The following SLC4A10 variants were observed in gnomAD, a reference collection of about 807,000 sequenced individuals.
SLC4A10 encodes sodium-driven chloride bicarbonate exchanger.
Under a neutral mutation model 137.7 loss-of-function variants are expected in SLC4A10, and 42 were observed. The ratio of observed to expected loss-of-function variants is 0.30; its 90% CI spans 0.24 to 0.39. The LOEUF is 0.39. SLC4A10 is among the 10% of genes least tolerant of loss of function. SLC4A10 has a pLI of 1.00. For synonymous variants in SLC4A10, 474 were observed against 464.1 expected (o/e 1.02, Z -0.27); for missense variants, 925 against 1,355.0 (o/e 0.68, Z 4.98).
intron 3 of SLC4A10, among the ~76,000 whole-genome samples, chr2:161,831,995 T>G (rs186853976): frequency 6.6e-6 from 1 of 152,254 alleles, no homozygotes; most frequent in African/African-American, 2.4e-5. Context: ...GTGAACACAC[T>G]AGGAAGATAT....
chr2:161,876,463 G>GC (rs2061453177), intron 8 of SLC4A10, among the ~76,000 whole-genome samples: 1 of 152,136 alleles, frequency 6.6e-6, no homozygotes, highest in South Asian at 2.1e-4. Flanking sequence ...AGGATCACTT[G>GC]AGCTTAGGAG....
intron 15 of SLC4A10, among the ~76,000 whole-genome samples, chr2:161,909,087 T>TG (rs1685182918): frequency 2.2e-5 from 1 of 46,360 alleles, no homozygotes; most frequent in South Asian, 9.1e-4. Flanking sequence ...TGTTGTGGGG[T>TG]GGGGGGAGGG....
At chr2:161,979,003 T>A (rs1396065469) in intron 26 of SLC4A10, among the ~76,000 whole-genome samples, 1 of 152,210 alleles carries the variant, frequency 6.6e-6, no homozygotes, top group African/African-American at 2.4e-5. Flanking sequence ...AGAAGGGCAG[T>A]TTCTCAAGCC....
chr2:161,871,880 G>T (rs182129665), intron 6 of SLC4A10, among the ~76,000 whole-genome samples: 1 of 151,898 alleles, frequency 6.6e-6, no homozygotes, highest in Admixed American at 6.6e-5. Context: ...ATAAATATCC[G>T]TCCTTTTTAA....
chr2:161,885,125 C>G (rs1298119072), intron 10 of SLC4A10, among the ~76,000 whole-genome samples: 3 of 151,970 alleles, frequency 2.0e-5, no homozygotes, highest in African/African-American at 7.3e-5. Flanking sequence ...TGGCAATGAG[C>G]CAAGATTGCA....
chr2:161,922,055 G>A (rs1688239245), intron 15 of SLC4A10, among the ~76,000 whole-genome samples: 1 of 152,218 alleles, frequency 6.6e-6, no homozygotes, highest in East Asian at 1.9e-4. Context: ...GAAAGAATCA[G>A]ACATTAAATA....
chr2:161,779,741 G>A (rs1435963906), intron 2 of SLC4A10, among the ~76,000 whole-genome samples: 4 of 151,910 alleles, frequency 2.6e-5, no homozygotes, highest in Non-Finnish European at 5.9e-5. Flanking sequence ...ATAGCCTATT[G>A]GCCAAATTTT....
intron 1 of SLC4A10, among the ~76,000 whole-genome samples, chr2:161,745,584 T>C (rs1222579789): frequency 6.6e-6 from 1 of 152,132 alleles, no homozygotes; most frequent in Non-Finnish European, 1.5e-5. Context: ...TTTGTTCTCT[T>C]GGTAAGGTCA....
chr2:161,941,819 A>T (rs1692757285), intron 15 of SLC4A10, among the ~76,000 whole-genome samples: 1 of 152,074 alleles, frequency 6.6e-6, no homozygotes, highest in Non-Finnish European at 1.5e-5. Context: ...TGGCTGACCT[A>T]CTGTTCCATC....
intron 15 of SLC4A10, among the ~76,000 whole-genome samples, chr2:161,907,491 A>G (rs1329157299): frequency 6.6e-6 from 1 of 152,230 alleles, no homozygotes; most frequent in East Asian, 1.9e-4. Flanking sequence ...ACCATGGTGA[A>G]TCATATTCTG....
chr2:161,701,653 C>T (rs1406424164), intron 1 of SLC4A10, among the ~76,000 whole-genome samples: 1 of 151,814 alleles, frequency 6.6e-6, no homozygotes, highest in Admixed American at 6.6e-5. Flanking sequence ...CCTACTATAA[C>T]AGTGAATACT....
At chr2:161,910,859 A>G (rs1465770782) in intron 15 of SLC4A10, among the ~76,000 whole-genome samples, 1 of 152,002 alleles carries the variant, frequency 6.6e-6, no homozygotes, top group East Asian at 1.9e-4. Flanking sequence ...CTTCTCGACT[A>G]GATTTGAACC....
At chr2:161,763,921 G>A (rs981057743) in intron 1 of SLC4A10, among the ~76,000 whole-genome samples, 13 of 152,116 alleles carry the variant, frequency 8.5e-5, no homozygotes, top group Admixed American at 5.9e-4. Flanking sequence ...AAAGCAGGGA[G>A]ATACAACCTT....
chr2:161,816,726 G>A lies in SLC4A10; in HGVS notation c.277+12131G>A, dbSNP rs566407267. On this transcript the variant is annotated intron_variant, in intron 3 of 26. Coordinates refer to ENST00000446997, the MANE Select transcript of SLC4A10 (RefSeq NM_001178015.2). ...TTCCCACCTGTGAGTGACAACATGC[G>A]GTGTTTGGTTTTTTGTCCTTGCAAT... Among the ~76,000 whole-genome samples the A allele has an allele frequency of 5.8e-4, 86 of 148,518 alleles. 1 individual carries two copies. Among genetic ancestry groups the A allele is most frequent in the African/African-American group, 1.8e-3 (73 of 40,338 alleles).
chr2:161,923,861 GATT>G (rs1275818582), intron 15 of SLC4A10, among the ~76,000 whole-genome samples: 7 of 152,000 alleles, frequency 4.6e-5, no homozygotes, highest in African/African-American at 1.7e-4. Flanking sequence ...CCATGAGGTT[GATT>G]ATTATCATTA....
intron 3 of SLC4A10, among the ~76,000 whole-genome samples, chr2:161,826,423 A>G (rs978175876): frequency 6.6e-6 from 1 of 152,194 alleles, no homozygotes. Context: ...AAGTTTTTCA[A>G]TTCACTTCTG....
chr2:161,911,721 C>G (rs896369265), intron 15 of SLC4A10, among the ~76,000 whole-genome samples: 2 of 152,032 alleles, frequency 1.3e-5, no homozygotes, highest in African/African-American at 4.8e-5. Flanking sequence ...CTGTACCTAG[C>G]AAAGTGCTTG....
chr2:161,965,295 A>C, intron 23 of SLC4A10, 122 bp downstream of exon 23: 4 of 919,226 alleles, frequency 4.4e-6, no homozygotes, highest in Non-Finnish European at 3.1e-6. Context: ...ATCACTAACA[A>C]CCACAAGTAG....
chr2:161,815,828 C>A (rs950364787), intron 3 of SLC4A10, among the ~76,000 whole-genome samples: 2 of 152,060 alleles, frequency 1.3e-5, no homozygotes, highest in Non-Finnish European at 2.9e-5. Flanking sequence ...GGAAATAAGT[C>A]GGGTGGCCCA....
Sources: allele counts gnomAD v4.1 joint callset (sites outside exome capture counted in the v4.1 genomes callset), GRCh38; gene constraint gnomAD v4.1.1; transcripts MANE v1.5; gene names NCBI Gene and HGNC (gene_info 2026-07-23, HGNC 2026-07-21).